Variants in WDR72 observed in about 807,000 individuals in gnomAD.
The protein encoded by WDR72 is WD repeat-containing protein 72.
Under a neutral mutation model 124.2 loss-of-function variants are expected in WDR72, and 120 were observed. That is an observed-to-expected ratio of 0.97 (90% CI 0.83 to 1.12). The LOEUF (loss-of-function observed/expected upper bound fraction) is 1.12. WDR72 is among the 50% of genes most tolerant of loss of function. The pLI is 0.00. For missense variants in WDR72, 1,387 were observed against 1,278.8 expected (o/e 1.08, Z -1.29); for synonymous variants, 452 against 441.7 (o/e 1.02, Z -0.29).
chr15:53,609,561 G>A lies in WDR72; in HGVS notation c.2904C>T (p.Asp968=). 6.2e-7 allele frequency: 1 copy of A among 1,613,486 alleles called. No individual in the cohort carries two copies. Among genetic ancestry groups the A allele is most frequent in the South Asian group, 1.1e-5 (1 of 91,082 alleles). The part of the protein sequence containing the change: ...GKNESHVPEA[D]LSLLKLISCW... ...AGGAAATTAGCTTCAAAAGTGAAAG[G>A]TCAGCCTCAGGTACATGGGATTCAT... Residue 968 remains aspartate, a synonymous_variant, in exon 17 of 20, where the codon GAC becomes GAT. Coordinates refer to ENST00000360509, the MANE Select transcript of WDR72 (RefSeq NM_182758.4).
chr15:53,687,308 C>T (rs2016671622), intron 13 of WDR72, among the ~76,000 whole-genome samples: 1 of 149,700 alleles, frequency 6.7e-6, no homozygotes, highest in African/African-American at 2.5e-5. Flanking sequence ...AATTGATAGA[C>T]CACTAGCAAG....
chr15:53,570,019 C>A (rs1328753796), intron 18 of WDR72, among the ~76,000 whole-genome samples: 2 of 152,034 alleles, frequency 1.3e-5, no homozygotes, highest in Non-Finnish European at 1.5e-5. Context: ...TCCTTACCAA[C>A]ACTTGTTATC....
At chr15:53,720,516 G>A (rs188646515) in intron 3 of WDR72, among the ~76,000 whole-genome samples, 54 of 152,262 alleles carry the variant, frequency 3.5e-4, no homozygotes, top group African/African-American at 1.3e-3. Context: ...TCGTGAGTCT[G>A]TTGGTATAGT....
At chr15:53,564,991 A>G (rs2140298006) in intron 18 of WDR72, among the ~76,000 whole-genome samples, 1 of 152,024 alleles carries the variant, frequency 6.6e-6, no homozygotes, top group South Asian at 2.1e-4. Context: ...TCCATGAGCT[A>G]CAAGAAAATT....
At chr15:53,683,769 C>CAT (rs941742888) in intron 13 of WDR72, among the ~76,000 whole-genome samples, 46 of 151,704 alleles carry the variant, frequency 3.0e-4, no homozygotes, top group South Asian at 2.3e-3. Context: ...CTATAAATCT[C>CAT]ATATATATAT....
chr15:53,710,205 A>G (rs2017492981), intron 9 of WDR72, among the ~76,000 whole-genome samples: 1 of 152,236 alleles, frequency 6.6e-6, no homozygotes. Context: ...AATGATATCA[A>G]TATATGATTA....
chr15:53,658,029 G>A (rs906678661), intron 14 of WDR72, among the ~76,000 whole-genome samples: 2 of 152,176 alleles, frequency 1.3e-5, no homozygotes, highest in African/African-American at 4.8e-5. Context: ...CATTTTCCAT[G>A]TTAAAAAATG....
At chr15:53,544,841 A>C (rs1362255138) in intron 18 of WDR72, among the ~76,000 whole-genome samples, 1 of 152,002 alleles carries the variant, frequency 6.6e-6, no homozygotes, top group East Asian at 1.9e-4. Context: ...AACATACAAA[A>C]ATCACAAACA....
chr15:53,621,782 C>A (rs1595799753), intron 14 of WDR72, among the ~76,000 whole-genome samples: 1 of 151,890 alleles, frequency 6.6e-6, no homozygotes, highest in East Asian at 1.9e-4. Context: ...TCCCCAATAA[C>A]CTATGGAAAT....
At chr15:53,729,839 G>A (rs1486603094) in intron 2 of WDR72, among the ~76,000 whole-genome samples, 1 of 152,112 alleles carries the variant, frequency 6.6e-6, no homozygotes, top group African/African-American at 2.4e-5. Flanking sequence ...TGAGGATACA[G>A]GGAAATTGGT....
chr15:53,515,041 G>A lies in WDR72; in HGVS notation c.*2658C>T, dbSNP rs1036450986. On this transcript the variant is annotated 3_prime_UTR_variant, in exon 20 of 20. Transcript: ENST00000360509. ...TATATATATACACACATATATATGTGTATATATATGTGTGTATATATATAC... is the reference window on the plus strand; with the variant it reads ...TATATATATACACACATATATATGTATATATATATGTGTGTATATATATAC... 1 of 131,668 alleles carries A rather than the reference G, an allele frequency of 7.6e-6. No individual in the cohort carries two copies. The highest frequency in any genetic ancestry group is 2.6e-5 in the African/African-American group (1 of 38,402). 8.2% of individuals were successfully genotyped at this position (131,668 alleles called of 1,614,324 possible). A position where few individuals can be genotyped will look rare whatever the true frequency, so the allele number is the denominator to read the frequency against.
At chr15:53,615,355 A>G in intron 15 of WDR72, 71 bp downstream of exon 15, 2 of 1,265,042 alleles carry the variant, frequency 1.6e-6, no homozygotes, top group South Asian at 2.7e-5. Context: ...AAAGAGCTAA[A>G]TATAGCAAAT....
At chr15:53,524,696 G>A (rs1488480185) in intron 18 of WDR72, among the ~76,000 whole-genome samples, 2 of 152,098 alleles carry the variant, frequency 1.3e-5, no homozygotes, top group African/African-American at 2.4e-5. Flanking sequence ...TGACTTCTCT[G>A]TTCTATCAAA....
intron 18 of WDR72, among the ~76,000 whole-genome samples, chr15:53,550,663 G>A (rs949505642): frequency 1.3e-5 from 2 of 152,228 alleles, no homozygotes; most frequent in African/African-American, 4.8e-5. Flanking sequence ...TTAGGGAAAT[G>A]GTTAGAGACT....
chr15:53,697,848 G>A (rs1263693648), intron 13 of WDR72, among the ~76,000 whole-genome samples: 1 of 151,862 alleles, frequency 6.6e-6, no homozygotes, highest in Non-Finnish European at 1.5e-5. Context: ...TCGCTCTGTC[G>A]CCCAGGCTGG....
chr15:53,705,594 C>T (rs1313923061), intron 10 of WDR72, among the ~76,000 whole-genome samples: 1 of 152,118 alleles, frequency 6.6e-6, no homozygotes, highest in Non-Finnish European at 1.5e-5. Flanking sequence ...TCCTGAGTAG[C>T]TGGGATTACA....
intron 18 of WDR72, among the ~76,000 whole-genome samples, chr15:53,538,164 C>A (rs1030898065): frequency 2.0e-5 from 3 of 152,050 alleles, no homozygotes; most frequent in Non-Finnish European, 4.4e-5. Context: ...ATATACTTTA[C>A]ATATATATTA....
intron 17 of WDR72, among the ~76,000 whole-genome samples, chr15:53,598,599 G>A (rs1267904179): frequency 2.6e-5 from 4 of 152,154 alleles, no homozygotes; most frequent in Non-Finnish European, 5.9e-5. Flanking sequence ...AGAAAAGCTG[G>A]CCTCTGACTT....
In WDR72 at chr15:53,751,774, C is replaced by T. The variant is rs1461413; in HGVS notation, c.-13+7859G>A. Among the ~76,000 whole-genome samples, 3 of 152,196 alleles carry T rather than the reference C, an allele frequency of 2.0e-5. No homozygotes were observed. In the East Asian group the frequency reaches 5.8e-4, roughly 29 times the overall value. On this transcript the variant is annotated intron_variant, in intron 1 of 19. Transcript: ENST00000360509. Reference sequence around the variant, plus strand: ...TAATGAGTAAGGAGACAGCATGTACCGGTGGGTCAGGCCCTCCAGTCAGTG... The same window carrying T: ...TAATGAGTAAGGAGACAGCATGTACTGGTGGGTCAGGCCCTCCAGTCAGTG...
Sources: gnomAD v4.1 joint callset for allele counts (sites outside exome capture counted in the v4.1 genomes callset) on GRCh38, gnomAD v4.1.1 for gene constraint, MANE v1.5 for transcripts, NCBI Gene and HGNC (gene_info 2026-07-23, HGNC 2026-07-21) for gene names.